The following ZFHX3 variants were observed in gnomAD, a reference collection of about 807,000 sequenced individuals.
The protein encoded by ZFHX3 is zinc finger homeobox 3.
Under a neutral mutation model 279.1 loss-of-function variants are expected in ZFHX3, and 42 were observed. The ratio of observed to expected loss-of-function variants is 0.15; its 90% CI spans 0.12 to 0.19. The LOEUF (loss-of-function observed/expected upper bound fraction) is 0.19, where lower values mean the gene tolerates loss of function less well. Ranked by LOEUF, ZFHX3 falls within the 10% of genes least tolerant of loss-of-function variation. ZFHX3 has a pLI of 1.00. For missense variants in ZFHX3, 4,981 were observed against 4,754.0 expected (o/e 1.05, Z -1.40); for synonymous variants, 2,293 against 1,957.8 (o/e 1.17, Z -4.52).
In ZFHX3 at chr16:72,929,686, C is replaced by T. The variant is rs544163172; in HGVS notation, c.3216+20783G>A. Among the ~76,000 whole-genome samples the T allele has an allele frequency of 5.9e-5, 9 of 152,338 alleles. No homozygotes were observed. In the East Asian group the frequency reaches 1.7e-3, roughly 29 times the overall value. On this transcript the variant is annotated intron_variant, in intron 3 of 9. Transcript: ENST00000268489. Reference sequence around the variant, plus strand: ...CGACAGGGCCCTCCACGCAAGCTGGCTGTACATAAACAGTAACACCTCATT... The same window carrying T: ...CGACAGGGCCCTCCACGCAAGCTGGTTGTACATAAACAGTAACACCTCATT...
chr16:72,929,984 G>A (rs1959698533), intron 3 of ZFHX3, among the ~76,000 whole-genome samples: 1 of 152,224 alleles, frequency 6.6e-6, no homozygotes, highest in Admixed American at 6.5e-5. Flanking sequence ...TTGGGAGGCC[G>A]AAGTGGGCGG....
rs1597221084 is a variant in ZFHX3, at chr16:72,787,411, G to C, written c.10865C>G (p.Ser3622Cys). ...AGGGGGCTTCGCTGCCGAAGCCCGGGAGACCACTTGCGGCCAAGACTTCCT... is the reference window on the plus strand; with the variant it reads ...AGGGGGCTTCGCTGCCGAAGCCCGGCAGACCACTTGCGGCCAAGACTTCCT... ...ASRKSWPQVV[S>C]RASAAKPPSF... The change falls in exon 10 of 10, where the codon TCC becomes TGC. Residue 3622 changes from serine to cysteine, a missense_variant. Physicochemically the swap from Ser to Cys is moderately radical, Grantham distance 112. Around this residue, in one of 7 missense-constraint regions of ZFHX3, gnomAD observed 1,034 missense variants for 786.0 expected, o/e 1.32. Coordinates refer to ENST00000268489, the MANE Select transcript of ZFHX3 (RefSeq NM_006885.4). 2 of 1,601,870 alleles carry C rather than the reference G, an allele frequency of 1.2e-6. No individual in the cohort carries two copies. Among genetic ancestry groups the C allele is most frequent in the Admixed American group, 1.7e-5 (1 of 59,290 alleles).
chr16:72,916,565 C>T (rs1339684182), intron 3 of ZFHX3, among the ~76,000 whole-genome samples: 2 of 152,106 alleles, frequency 1.3e-5, no homozygotes, highest in Admixed American at 1.3e-4. Context: ...ATCATTTGTA[C>T]GAATTGACTA....
At chr16:73,676,240 A>G (rs1356690327) in intron 2 of ZFHX3, among the ~76,000 whole-genome samples, 2 of 152,028 alleles carry the variant, frequency 1.3e-5, no homozygotes, top group African/African-American at 4.8e-5. Context: ...AAAAATAAAC[A>G]TATGCATTAA....
intron 3 of ZFHX3, among the ~76,000 whole-genome samples, chr16:72,937,427 A>T (rs984951256): frequency 2.6e-5 from 4 of 152,250 alleles, no homozygotes; most frequent in Non-Finnish European, 5.9e-5. Flanking sequence ...CACAGCCGAC[A>T]GAGTCAGCAA....
At position 72,793,490 on chromosome 16, in the gene ZFHX3, T is replaced by C; in HGVS notation, c.9192A>G (p.Lys3064=). 3 of 1,614,198 alleles carry C rather than the reference T, an allele frequency of 1.9e-6. No homozygotes were observed. The highest frequency in any genetic ancestry group is 1.3e-5 in the African/African-American group (1 of 75,046). ...GTACGGTGGCTGGGTCAAAGTATTC[T>C]TTCTCCTTGTCCAGCTGGCTTCCAA... ...DTIGSQLDKE[K]EYFDPATVRQ... The change falls in exon 9 of 10, where the codon AAA becomes AAG. Residue 3064 remains lysine (K), a synonymous_variant. Transcript: ENST00000268489. This position sits in a 1 kb window ranked among gnomAD's most constrained non-coding sequence, Gnocchi z 4.3.
At chr16:72,829,620 A>T in intron 5 of ZFHX3, 159 bp downstream of exon 5, 1 of 696,692 alleles carries the variant, frequency 1.4e-6, no homozygotes, top group Non-Finnish European at 2.4e-6. Context: ...CTGCTCAAAG[A>T]AGCAAACGAA....
intron 1 of ZFHX3, among the ~76,000 whole-genome samples, chr16:73,787,764 T>TTTGTGGTG (rs1192363929): frequency 7.9e-5 from 12 of 151,864 alleles, no homozygotes; most frequent in Non-Finnish European, 1.3e-4. Flanking sequence ...CAACACTGGA[T>TTTGTGGTG]AGGCCTACTC....
At chr16:73,871,334 C>A (rs757540838) in intron 1 of ZFHX3, among the ~76,000 whole-genome samples, 1 of 152,150 alleles carries the variant, frequency 6.6e-6, no homozygotes, top group Non-Finnish European at 1.5e-5. Flanking sequence ...TATTTTAAAC[C>A]GCCTGTCCGC....
chr16:73,040,541 AG>A (rs538810473), intron 1 of ZFHX3, among the ~76,000 whole-genome samples: 46 of 135,976 alleles, frequency 3.4e-4, no homozygotes, highest in Non-Finnish European at 5.6e-4. Flanking sequence ...CAGCCTGGGG[AG>A]GGGGACAGAA....
intron 3 of ZFHX3, among the ~76,000 whole-genome samples, chr16:73,388,004 T>C (rs552993944): frequency 2.8e-4 from 43 of 152,110 alleles, no homozygotes; most frequent in African/African-American, 8.7e-4. Flanking sequence ...AGATTTCAAA[T>C]GCAGGGCACG....
At chr16:73,600,788 G>T (rs578163566) in intron 2 of ZFHX3, among the ~76,000 whole-genome samples, 1 of 152,014 alleles carries the variant, frequency 6.6e-6, no homozygotes, top group African/African-American at 2.4e-5. Context: ...GTCAACATAG[G>T]CTTAGCCTAC....
chr16:72,939,603 A>G (rs1960309254), intron 3 of ZFHX3, among the ~76,000 whole-genome samples: 1 of 152,212 alleles, frequency 6.6e-6, no homozygotes, highest in South Asian at 2.1e-4. Flanking sequence ...GCCCATAGAT[A>G]CAGGCTGGGT....
At position 73,088,153 on chromosome 16, in the gene ZFHX3, T is replaced by C. The variant is rs74316788; in HGVS notation, c.-533+5082A>G. Among the ~76,000 whole-genome samples, 18 of 138,396 alleles carry C rather than the reference T, an allele frequency of 1.3e-4. No individual in the cohort carries two copies. In the East Asian group the frequency reaches 1.7e-3, roughly 13 times the overall value. 90.8% of individuals were successfully genotyped at this position (138,396 alleles called of 152,430 possible). ...TAAACTTTCATTTCATTTTTTTTTT[T>C]CTTTTTTTTTGAGAGAGGGTCTCCC... is the stretch of plus-strand genomic sequence containing the variant. On this transcript the variant is annotated intron_variant, in intron 8 of 17. Coordinates refer to the ZFHX3 transcript ENST00000641206.
At chr16:73,246,209 G>C (rs1288447061) in intron 5 of ZFHX3, among the ~76,000 whole-genome samples, 1 of 152,172 alleles carries the variant, frequency 6.6e-6, no homozygotes, top group Non-Finnish European at 1.5e-5. Flanking sequence ...TTTTAGGAGA[G>C]AGCCGAGGCA....
intron 1 of ZFHX3, among the ~76,000 whole-genome samples, chr16:73,739,759 T>G (rs555820497): frequency 6.2e-4 from 95 of 152,298 alleles, no homozygotes; most frequent in African/African-American, 2.2e-3. Context: ...GGTCCACTGC[T>G]GGTCTAGGCT....
chr16:73,241,944 C>T (rs1480019107), intron 5 of ZFHX3, among the ~76,000 whole-genome samples: 2 of 152,052 alleles, frequency 1.3e-5, no homozygotes, highest in African/African-American at 4.8e-5. Flanking sequence ...TTGAGAACTG[C>T]TCTCTCTTCT....
intron 2 of ZFHX3, among the ~76,000 whole-genome samples, chr16:73,484,959 T>A (rs181976203): frequency 1.7e-4 from 26 of 150,930 alleles, no homozygotes; most frequent in Non-Finnish European, 1.9e-4. Flanking sequence ...CCAGACAGAA[T>A]TTCCCATAAG....
intron 1 of ZFHX3, among the ~76,000 whole-genome samples, chr16:73,767,842 G>C (rs541827234): frequency 1.3e-4 from 20 of 152,258 alleles, no homozygotes; most frequent in Admixed American, 1.2e-3. Flanking sequence ...ACCAGTCAGA[G>C]CCCCAGCAGG....
Sources: gnomAD v4.1 joint callset for allele counts (sites outside exome capture counted in the v4.1 genomes callset) on GRCh38, gnomAD v4.1.1 for gene constraint, gnomAD v4.1.1 regional missense constraint, Gnocchi (gnomAD v3.1) non-coding constraint, MANE v1.5 for transcripts, NCBI Gene and HGNC (gene_info 2026-07-23, HGNC 2026-07-21) for gene names.